The following ITGA1 variants were observed in gnomAD, a reference collection of about 807,000 sequenced individuals.
The protein encoded by ITGA1 is integrin alpha-1.
A neutral mutation model predicts 145.9 loss-of-function variants in ITGA1; 85 were observed. The ratio of observed to expected loss-of-function variants is 0.58; its 90% CI spans 0.49 to 0.70. The LOEUF is 0.70. Ranked by LOEUF, ITGA1 falls within the 30% of genes least tolerant of loss-of-function variation. The probability of loss-of-function intolerance (pLI) is 0.00; values close to 1 mark genes in which losing one functional copy is unlikely to be tolerated. For missense variants in ITGA1, 1,351 were observed against 1,418.7 expected, an observed-to-expected ratio of 0.95 and a Z score of 0.77; for synonymous variants, 520 against 495.3, an observed-to-expected ratio of 1.05 and a Z score of -0.66.
intron 1 of ITGA1, chr5:52,800,846 T>G: frequency 6.2e-7 from 1 of 1,609,488 alleles, no homozygotes; most frequent in Non-Finnish European, 8.5e-7. Context: ...CATATCTGCT[T>G]AGTCACTCCC....
At chr5:52,914,682 G>C (rs571991525) in intron 14 of ITGA1, among the ~76,000 whole-genome samples, 23 of 152,210 alleles carry the variant, frequency 1.5e-4, no homozygotes, top group Middle Eastern at 3.4e-3. Flanking sequence ...TGCCTTAGTA[G>C]GCTTCTTATT....
At chr5:52,868,031 A>G (rs1287529856) in intron 6 of ITGA1, among the ~76,000 whole-genome samples, 1 of 151,974 alleles carries the variant, frequency 6.6e-6, no homozygotes, top group Non-Finnish European at 1.5e-5. Flanking sequence ...CTGGACTAAT[A>G]CCTTAAATGA....
At chr5:52,947,841 A>G (rs112007096) in intron 28 of ITGA1, among the ~76,000 whole-genome samples, 22 of 152,272 alleles carry the variant, frequency 1.4e-4, no homozygotes, top group African/African-American at 5.1e-4. Context: ...ATGAATTCCT[A>G]TGTCAATTTA....
rs140584808 is a variant in ITGA1 at position 52,882,719 on chromosome 5, A to G, written c.773+698A>G. On this transcript the variant is annotated intron_variant, in intron 7 of 28. Transcript: ENST00000282588. ...AATTGTCCTCTCTTACAAATGTAGA[A>G]CACTTTATTTCCTGTGTGTTCTCTT... Among the ~76,000 whole-genome samples the G allele has an allele frequency of 2.0e-5, 3 of 152,312 alleles. No homozygotes were observed. In the East Asian group the frequency reaches 5.8e-4, roughly 29 times the overall value.
At chr5:52,925,245 AT>A in intron 18 of ITGA1, 32 bp from the exon 19 acceptor site, 1 of 1,572,548 alleles carries the variant, frequency 6.4e-7, no homozygotes, top group Non-Finnish European at 8.7e-7. Flanking sequence ...GCGTAGCTAA[AT>A]TTTGAAAAAT....
intron 20 of ITGA1, among the ~76,000 whole-genome samples, chr5:52,929,005 T>G (rs1420118367): frequency 2.0e-5 from 3 of 152,178 alleles, no homozygotes; most frequent in Non-Finnish European, 4.4e-5. Flanking sequence ...CTGTTGGGCC[T>G]AGAGCAAGAG....
intron 9 of ITGA1, among the ~76,000 whole-genome samples, chr5:52,894,494 T>G (rs968726564): frequency 6.6e-6 from 1 of 152,262 alleles, no homozygotes; most frequent in East Asian, 1.9e-4. Context: ...AGCTAATTAC[T>G]TTGGAACTCG....
At chr5:52,845,423 G>A (rs1288186781) in intron 1 of ITGA1, among the ~76,000 whole-genome samples, 2 of 152,158 alleles carry the variant, frequency 1.3e-5, no homozygotes, top group Non-Finnish European at 2.9e-5. Flanking sequence ...TGGGGATCTC[G>A]TGGAAGCGTA....
In ITGA1 at chr5:52,897,447, T is replaced by C. The variant is rs766398676; in HGVS notation, c.1091-8T>C. ...ACTTATTTACAGTGATATTTTCCTA[T>C]GTTATAGCCACAGCTGACCAGTCAG... On this transcript the variant is annotated splice_region_variant and splice_polypyrimidine_tract_variant and intron_variant, in intron 9 of 28. Coordinates refer to ENST00000282588, the MANE Select transcript of ITGA1 (RefSeq NM_181501.2). 2 of 1,597,846 alleles carry C rather than the reference T, an allele frequency of 1.3e-6. No individual in the cohort carries two copies. The highest frequency in any genetic ancestry group is 1.1e-5 in the South Asian group (1 of 90,488).
At position 52,849,432 on chromosome 5, in the gene ITGA1, G is replaced by A; in HGVS notation, c.129G>A (p.Val43=). The A allele has an allele frequency of 5.0e-6, 8 of 1,611,880 alleles. No homozygotes were observed. Among genetic ancestry groups the A allele is most frequent in the Non-Finnish European group, 6.8e-6 (8 of 1,179,168 alleles). ...VKNSMTFSGP[V]EDMFGYTVQQ... ...ATTCAATGACTTTCAGCGGCCCGGT[G>A]GAAGACATGTTTGGATATACTGTTC... is the stretch of plus-strand genomic sequence containing the variant. The change falls in exon 2 of 29, where the codon GTG becomes GTA. Residue 43 remains valine, a synonymous_variant. Coordinates refer to ENST00000282588, the MANE Select transcript of ITGA1 (RefSeq NM_181501.2).
intron 27 of ITGA1, among the ~76,000 whole-genome samples, chr5:52,946,565 T>C (rs1751138412): frequency 1.3e-5 from 2 of 152,136 alleles, no homozygotes; most frequent in Non-Finnish European, 2.9e-5. Flanking sequence ...GGTGTTACTG[T>C]TAAAGGCAAA....
At chr5:52,863,276 T>C (rs1410593905) in intron 3 of ITGA1, among the ~76,000 whole-genome samples, 1 of 152,240 alleles carries the variant, frequency 6.6e-6, no homozygotes, top group African/African-American at 2.4e-5. Flanking sequence ...ACTATTCAAG[T>C]CATCTAGTTA....
At chr5:52,836,399 T>C (rs1345454983) in intron 1 of ITGA1, among the ~76,000 whole-genome samples, 1 of 152,244 alleles carries the variant, frequency 6.6e-6, no homozygotes, top group Non-Finnish European at 1.5e-5. Context: ...CAGTATCTTT[T>C]CTGGCCAGTA....
At position 52,788,249 on chromosome 5, in the gene ITGA1, G is replaced by T. The variant is rs1748162932; in HGVS notation, c.-105G>T. ...CGCTGCCACTGGGGCAGAGGACTGG[G>T]AACCGCGGCAGCGGGATAAGTGGCC... On this transcript the variant is annotated 5_prime_UTR_variant, in exon 1 of 29. Transcript: ENST00000282588. 1.1e-6 allele frequency: 1 copy of T among 876,518 alleles called. No homozygotes were observed. Among genetic ancestry groups the T allele is most frequent in the Non-Finnish European group, 1.6e-6 (1 of 619,854 alleles). The allele number at this position is 876,518 out of a possible 1,614,324, so 54.3% of individuals were successfully genotyped here.
intron 8 of ITGA1, among the ~76,000 whole-genome samples, chr5:52,891,459 G>T (rs1750146841): frequency 6.9e-6 from 1 of 144,368 alleles, no homozygotes; most frequent in African/African-American, 2.6e-5. Flanking sequence ...TTTTGTTATT[G>T]TTATCTATTT....
chr5:52,822,507 C>G (rs1240930931), intron 1 of ITGA1, among the ~76,000 whole-genome samples: 2 of 152,168 alleles, frequency 1.3e-5, no homozygotes, highest in Non-Finnish European at 2.9e-5. Flanking sequence ...TGCTAGTTTC[C>G]TAGAAGAGCT....
chr5:52,944,861 T>C, intron 26 of ITGA1, 82 bp from the exon 27 acceptor site: 1 of 936,708 alleles, frequency 1.1e-6, no homozygotes, highest in Non-Finnish European at 1.6e-6. Context: ...ATCTTAGCTT[T>C]TATAAATGTC....
chr5:52,869,133 T>A (rs915385190), intron 6 of ITGA1, among the ~76,000 whole-genome samples: 1 of 152,188 alleles, frequency 6.6e-6, no homozygotes, highest in South Asian at 2.1e-4. Flanking sequence ...GCCTGCATTA[T>A]ATATAAGCAA....
At chr5:52,842,852 A>AT (rs59758874) in intron 1 of ITGA1, among the ~76,000 whole-genome samples, 8 of 151,668 alleles carry the variant, frequency 5.3e-5, no homozygotes, top group Non-Finnish European at 7.4e-5. Flanking sequence ...TGCCCAGCTA[A>AT]TTTTTTTTAA....
Sources: allele counts gnomAD v4.1 joint callset (sites outside exome capture counted in the v4.1 genomes callset), GRCh38; gene constraint gnomAD v4.1.1; transcripts MANE v1.5; gene names NCBI Gene and HGNC (gene_info 2026-07-23, HGNC 2026-07-21).